CERT1: variants seen among roughly 807,000 people sequenced by gnomAD.
CERT1 encodes the protein ceramide transfer protein.
Under a neutral mutation model 87.9 loss-of-function variants are expected in CERT1, and 31 were observed. The ratio of observed to expected loss-of-function variants is 0.35; its 90% CI spans 0.27 to 0.48. CERT1 has a LOEUF of 0.48. Ranked by LOEUF, CERT1 falls within the 20% of genes least tolerant of loss-of-function variation. The pLI, the probability that CERT1 is intolerant of heterozygous loss-of-function variation, is 0.99. For missense variants in CERT1, 487 were observed against 758.0 expected, an observed-to-expected ratio of 0.64 and a Z score of 4.20; for synonymous variants, 289 against 250.9, an observed-to-expected ratio of 1.15 and a Z score of -1.44.
Position 75,459,133 on chromosome 5 carries a change from C to T in CERT1, c.280G>A (p.Val94Ile). ...CRFDISVNDSVWYLRAQDPDH... is the reference protein window; with the variant it reads ...CRFDISVNDSIWYLRAQDPDH... ...GGATCCTGAGCACGAAGATACCAAA[C>T]ACTATCATTTACACTAATATCAAAT... Residue 94 changes from valine (V) to isoleucine (I), a missense_variant, in exon 3 of 17, where the codon GTT becomes ATT. Val to Ile is a conservative substitution (Grantham distance 29). Coordinates refer to ENST00000643780, the MANE Select transcript of CERT1 (RefSeq NM_001379029.1). The T allele has an allele frequency of 6.2e-7, 1 of 1,613,166 alleles. No individual in the cohort carries two copies. The highest frequency in any genetic ancestry group is 8.5e-7 in the Non-Finnish European group (1 of 1,179,204).
intron 2 of CERT1, among the ~76,000 whole-genome samples, chr5:75,489,659 G>A (rs992809049): frequency 6.6e-5 from 10 of 152,334 alleles, no homozygotes; most frequent in African/African-American, 2.4e-4. Context: ...GGTCATTAGA[G>A]AAATGCAAAT....
chr5:75,511,211 G>A lies in CERT1; in HGVS notation c.-4C>T, dbSNP rs1323714017. The A allele has an allele frequency of 6.2e-7, 1 of 1,612,900 alleles. No individual in the cohort carries two copies. The highest frequency in any genetic ancestry group is 1.1e-5 in the South Asian group (1 of 91,036). On this transcript the variant is annotated 5_prime_UTR_variant, in exon 1 of 17. Transcript: ENST00000643780. Reference sequence around the variant, plus strand: ...TCCAGCTCTGATTATCCGACATGGAGGCTCGACAACCGAGCAGGAGACCGG... The same window carrying A: ...TCCAGCTCTGATTATCCGACATGGAAGCTCGACAACCGAGCAGGAGACCGG...
chr5:75,467,960 C>T (rs974730687), intron 2 of CERT1, among the ~76,000 whole-genome samples: 2 of 152,168 alleles, frequency 1.3e-5, no homozygotes, highest in African/African-American at 2.4e-5. Flanking sequence ...CTAAATTTTA[C>T]AAGTTTTTGT....
At chr5:75,381,315 A>G in intron 15 of CERT1, 114 bp from the exon 16 acceptor site, 1 of 1,187,962 alleles carries the variant, frequency 8.4e-7, no homozygotes, top group Non-Finnish European at 1.2e-6. Flanking sequence ...TCTCCAGTGA[A>G]ATCTTATAAG....
chr5:75,414,345 T>C (rs1031349186), intron 7 of CERT1, among the ~76,000 whole-genome samples: 1 of 152,090 alleles, frequency 6.6e-6, no homozygotes, highest in African/African-American at 2.4e-5. Flanking sequence ...TATACAAACG[T>C]TAAAAAAAAT....
At chr5:75,405,112 T>C (rs563282394) in intron 8 of CERT1, among the ~76,000 whole-genome samples, 177 of 152,170 alleles carry the variant, frequency 1.2e-3, no homozygotes, top group Non-Finnish European at 2.1e-3. Context: ...ACTAAAGGAA[T>C]TGGCATAAAA....
At chr5:75,511,083 G>A (rs776290291) in intron 1 of CERT1, 29 bp downstream of exon 1, 2 of 1,518,326 alleles carry the variant, frequency 1.3e-6, no homozygotes, top group Non-Finnish European at 8.8e-7. Flanking sequence ...AGTCTGGCCA[G>A]GGGTCCCTTG....
intron 5 of CERT1, among the ~76,000 whole-genome samples, chr5:75,421,564 G>A (rs1412661577): frequency 6.6e-6 from 1 of 152,148 alleles, no homozygotes; most frequent in Non-Finnish European, 1.5e-5. Flanking sequence ...ATACAAAGAT[G>A]AGTAAGATCT....
chr5:75,432,758 A>C (rs1165176456), intron 3 of CERT1, among the ~76,000 whole-genome samples: 3 of 152,228 alleles, frequency 2.0e-5, no homozygotes, highest in Non-Finnish European at 4.4e-5. Flanking sequence ...AGACTTCTTC[A>C]TGAAATCTTC....
chr5:75,419,392 T>C lies in CERT1; in HGVS notation c.628A>G (p.Thr210Ala), dbSNP rs751706904. 1.9e-6 allele frequency: 3 copies of C among 1,612,942 alleles called. No individual in the cohort carries two copies. The highest frequency in any genetic ancestry group is 2.2e-5 in the South Asian group (2 of 91,022). The change falls in exon 6 of 17, where the codon ACG (threonine) becomes GCG (alanine). Residue 210 changes from threonine to alanine, a missense_variant. Around this residue, in one of 8 missense-constraint regions of CERT1, gnomAD observed 173 missense variants for 302.2 expected, o/e 0.57. Coordinates refer to ENST00000643780, the MANE Select transcript of CERT1 (RefSeq NM_001379029.1). ...TGCAAGAAGTCACCATCAGAACGCG[T>C]TGTAGGAAAGTCATCTTCATCATCT... ...VEDDEDDFPT[T>A]RSDGDFLHST...
chr5:75,441,999 TATTTTAC>T (rs1357349442), intron 3 of CERT1, among the ~76,000 whole-genome samples: 1 of 152,232 alleles, frequency 6.6e-6, no homozygotes, highest in East Asian at 1.9e-4. Context: ...CTGGCTGTAC[TATTTTAC>T]ATTCCTATCA....
At chr5:75,389,404 T>C (rs959534820) in intron 12 of CERT1, among the ~76,000 whole-genome samples, 188 bp downstream of exon 12, 1 of 152,218 alleles carries the variant, frequency 6.6e-6, no homozygotes, top group Admixed American at 6.5e-5. Context: ...TAAAAACCTT[T>C]AGTAAAGGCA....
intron 5 of CERT1, among the ~76,000 whole-genome samples, chr5:75,424,249 T>C (rs975126275): frequency 1.3e-5 from 2 of 152,180 alleles, no homozygotes; most frequent in African/African-American, 4.8e-5. Context: ...TTACTGATTC[T>C]TCTTCTATGA....
At position 75,425,350 on chromosome 5, in the gene CERT1, GC is replaced by G; in HGVS notation, c.595+10del. ...TCTCCAAGTAAAAATAGTGGTAATA[GC>G]CTAATTAACCTTTATCCCTTTGAAG... is the stretch of plus-strand genomic sequence containing the variant. On this transcript the variant is annotated intron_variant, in intron 5 of 16. Transcript: ENST00000643780. 3 of 1,609,274 alleles carry G rather than the reference GC, an allele frequency of 1.9e-6. No homozygotes were observed. Among genetic ancestry groups the G allele is most frequent in the Non-Finnish European group, 1.7e-6 (2 of 1,177,638 alleles).
At position 75,441,470 on chromosome 5, in the gene CERT1, T is replaced by C. The variant is rs577109605; in HGVS notation, c.349-14992A>G. Among the ~76,000 whole-genome samples the C allele has an allele frequency of 7.2e-5, 11 of 152,292 alleles. No homozygotes were observed. The South Asian group carries it at 2.1e-3, about 29-fold the overall frequency. On this transcript the variant is annotated intron_variant, in intron 3 of 16. Transcript: ENST00000643780. ...GTGAAACTATCTTAACCATTAAGAG[T>C]ACAGTTCAGTAGTGGTAAGTATATC... is the stretch of plus-strand genomic sequence containing the variant.
intron 6 of CERT1, among the ~76,000 whole-genome samples, chr5:75,417,867 T>C (rs1763207669): frequency 6.6e-6 from 1 of 152,140 alleles, no homozygotes; most frequent in Non-Finnish European, 1.5e-5. Context: ...TCATTAATAA[T>C]AAACACTGGC....
intron 17 of CERT1, chr5:75,372,189 G>C (rs1490217594): frequency 1.3e-5 from 2 of 152,114 alleles, no homozygotes; most frequent in African/African-American, 4.8e-5. Flanking sequence ...ATTCAGTTAT[G>C]AAAGAGTTAA....
downstream of CERT1, chr5:75,375,630 T>TAAAA (rs1357591170): frequency 1.1e-4 from 14 of 131,282 alleles, no homozygotes; most frequent in African/African-American, 2.6e-4. Flanking sequence ...AATAAATAAA[T>TAAAA]AAAATAAATA....
intron 12 of CERT1, among the ~76,000 whole-genome samples, chr5:75,387,519 A>G (rs1580700054): frequency 6.6e-6 from 1 of 151,940 alleles, no homozygotes; most frequent in South Asian, 2.1e-4. Flanking sequence ...AGGCGGGCGG[A>G]TCACCTGAGG....
Sources: allele counts gnomAD v4.1 joint callset (sites outside exome capture counted in the v4.1 genomes callset), GRCh38; gene constraint gnomAD v4.1.1; regional missense constraint gnomAD v4.1.1; transcripts MANE v1.5; gene names NCBI Gene and HGNC (gene_info 2026-07-23, HGNC 2026-07-21).